Variants in KLF13 observed in about 807,000 individuals in gnomAD.
The protein encoded by KLF13 is Krueppel-like factor 13.
In KLF13, 8 loss-of-function variants were observed where a neutral mutation model predicts 16.7. The observed-to-expected ratio is 0.48, with a 90% CI of 0.28 to 0.87. The LOEUF (loss-of-function observed/expected upper bound fraction) is 0.87. Ranked by LOEUF, KLF13 falls within the 40% of genes least tolerant of loss-of-function variation. The probability of loss-of-function intolerance (pLI) is 0.10; values close to 1 mark genes in which losing one functional copy is unlikely to be tolerated. For missense variants in KLF13, 447 were observed against 452.2 expected (o/e 0.99, Z 0.10); for synonymous variants, 245 against 208.4 (o/e 1.18, Z -1.51).
rs1033752591 is a variant in KLF13, at chr15:31,373,462, G to A, written c.*1163G>A. On this transcript the variant is annotated 3_prime_UTR_variant, in exon 2 of 2. Coordinates refer to ENST00000307145, the MANE Select transcript of KLF13 (RefSeq NM_015995.4). ...TTTCCTCCGCAGGGAATGCCAGATA[G>A]AAAGTTGCGGGCAACACTTTTCTCA... 3 of 152,268 alleles carry A rather than the reference G, an allele frequency of 2.0e-5. No homozygotes were observed. The highest frequency in any genetic ancestry group is 7.2e-5 in the African/African-American group (3 of 41,464). The allele number at this position is 152,268 out of a possible 1,614,324, so 9.4% of individuals were successfully genotyped here. A position where few individuals can be genotyped will look rare whatever the true frequency, so the allele number is the denominator to read the frequency against.
upstream of KLF13, among the ~76,000 whole-genome samples, chr15:31,388,483 G>A (rs1180163981): frequency 1.3e-5 from 2 of 151,688 alleles, no homozygotes; most frequent in Non-Finnish European, 2.9e-5. Flanking sequence ...GTGCGGTGGT[G>A]CGTGCCTATA....
intron 1 of KLF13, among the ~76,000 whole-genome samples, chr15:31,342,749 G>A (rs1177769354): frequency 6.6e-6 from 1 of 152,188 alleles, no homozygotes; most frequent in East Asian, 1.9e-4. Flanking sequence ...TTCTATGTTT[G>A]CAAATATGAG....
intron 1 of KLF13, among the ~76,000 whole-genome samples, chr15:31,339,182 T>C (rs2038981881): frequency 6.6e-6 from 1 of 152,154 alleles, no homozygotes; most frequent in Non-Finnish European, 1.5e-5. Flanking sequence ...GGCTGTGCCA[T>C]GGCTCCAAGT....
intron 2 of KLF13, among the ~76,000 whole-genome samples, chr15:31,402,147 G>T (rs1425471508): frequency 2.6e-5 from 4 of 152,220 alleles, no homozygotes; most frequent in African/African-American, 9.6e-5. Flanking sequence ...CTGTCAGGGG[G>T]CCCAAAGAAG....
chr15:31,365,026 C>T (rs1051817413), intron 1 of KLF13, among the ~76,000 whole-genome samples: 7 of 152,202 alleles, frequency 4.6e-5, no homozygotes, highest in Non-Finnish European at 1.0e-4. Flanking sequence ...TGCTCCAGAA[C>T]AGGAGGGTGA....
chr15:31,364,796 C>T (rs967748675), intron 1 of KLF13, among the ~76,000 whole-genome samples: 19 of 152,252 alleles, frequency 1.2e-4, no homozygotes, highest in African/African-American at 3.9e-4. Context: ...GAGCTTCCAA[C>T]CTGGACTTCC....
chr15:31,367,709 A>G (rs2039497310), intron 1 of KLF13, among the ~76,000 whole-genome samples: 1 of 152,208 alleles, frequency 6.6e-6, no homozygotes, highest in Non-Finnish European at 1.5e-5. Context: ...GACAGGGCTA[A>G]TGACTAAGAG....
chr15:31,407,181 T>A (rs554205855), downstream of KLF13, among the ~76,000 whole-genome samples: 1 of 152,232 alleles, frequency 6.6e-6, no homozygotes, highest in South Asian at 2.1e-4. Context: ...TTTGATAGGA[T>A]GATTGAGAAA....
At chr15:31,332,229 A>G (rs1195061416) in intron 1 of KLF13, among the ~76,000 whole-genome samples, 2 of 152,238 alleles carry the variant, frequency 1.3e-5, no homozygotes, top group African/African-American at 4.8e-5. Context: ...TCAAGGAAAG[A>G]GACCACACTT....
intron 1 of KLF13, among the ~76,000 whole-genome samples, chr15:31,329,622 G>A (rs922365005): frequency 1.4e-4 from 22 of 152,266 alleles, no homozygotes; most frequent in Admixed American, 1.1e-3. Flanking sequence ...GAATATTGGC[G>A]CAGGGGCTCT....
At chr15:31,413,282 G>A (rs1225942890) in intron 1 of KLF13, among the ~76,000 whole-genome samples, 3 of 150,722 alleles carry the variant, frequency 2.0e-5, no homozygotes, top group Non-Finnish European at 2.9e-5. Context: ...TGTACCAGAA[G>A]GAGAGGAGAG....
chr15:31,327,930 C>G (rs1566797911), intron 1 of KLF13, 141 bp downstream of exon 1: 7 of 990,916 alleles, frequency 7.1e-6, no homozygotes, highest in Admixed American at 1.1e-4. Flanking sequence ...CTTCCCCTGC[C>G]GCTCCGACCC....
At chr15:31,355,570 T>C (rs999426902) in intron 1 of KLF13, among the ~76,000 whole-genome samples, 2 of 152,128 alleles carry the variant, frequency 1.3e-5, no homozygotes, top group Non-Finnish European at 2.9e-5. Context: ...AACGTGCTCA[T>C]AGGGGCTCTT....
chr15:31,398,659 G>A (rs2039989546), intron 2 of KLF13, among the ~76,000 whole-genome samples: 1 of 152,124 alleles, frequency 6.6e-6, no homozygotes, highest in Non-Finnish European at 1.5e-5. Context: ...TTGTCCCCAG[G>A]CACAGTACCA....
intron 1 of KLF13, among the ~76,000 whole-genome samples, chr15:31,412,317 G>C (rs1160541416): frequency 6.6e-6 from 1 of 152,122 alleles, no homozygotes; most frequent in African/African-American, 2.4e-5. Context: ...TAAGTTATCT[G>C]GTCTATGGTA....
chr15:31,370,502 T>C (rs1283775217), intron 1 of KLF13, among the ~76,000 whole-genome samples: 1 of 151,388 alleles, frequency 6.6e-6, no homozygotes, highest in Non-Finnish European at 1.5e-5. Flanking sequence ...CACTGCAACC[T>C]CCACCTCCCA....
rs552610553 is a variant in KLF13 at position 31,421,510 on chromosome 15, A to G, written n.118-13860A>G. ...ATGCAATTTGTGAAATAAATAACAT[A>G]AAGTAGGGGAGATGTAAAATTTTTT... is the stretch of plus-strand genomic sequence containing the variant. On this transcript the variant is annotated intron_variant and non_coding_transcript_variant, in intron 1 of 1. Coordinates refer to the KLF13 transcript ENST00000558225. Among the ~76,000 whole-genome samples the G allele has an allele frequency of 9.8e-5, 15 of 152,360 alleles. No homozygotes were observed. The South Asian group carries it at 3.1e-3, about 32-fold the overall frequency.
chr15:31,428,577 C>G (rs8027155), intron 1 of KLF13, among the ~76,000 whole-genome samples: 1 of 151,582 alleles, frequency 6.6e-6, no homozygotes, highest in Non-Finnish European at 1.5e-5. Context: ...GAGTCCGAGG[C>G]GGGCAGATCA....
At chr15:31,389,505 C>T (rs2039833853), upstream of KLF13, among the ~76,000 whole-genome samples, 1 of 152,202 alleles carries the variant, frequency 6.6e-6, no homozygotes. Flanking sequence ...TCTCCCTCCT[C>T]CCCCTGTGTT....
Sources: gnomAD v4.1 joint callset for allele counts (sites outside exome capture counted in the v4.1 genomes callset) on GRCh38, gnomAD v4.1.1 for gene constraint, MANE v1.5 for transcripts, NCBI Gene and HGNC (gene_info 2026-07-23, HGNC 2026-07-21) for gene names.